Variants in SH3RF1 observed in about 807,000 individuals in gnomAD.
The protein encoded by SH3RF1 is SH3 domain containing ring finger 1.
SH3RF1 carries 32 observed loss-of-function variants against 74.0 expected under a neutral mutation model. The observed-to-expected ratio is 0.43, with a 90% CI of 0.33 to 0.58. The LOEUF (loss-of-function observed/expected upper bound fraction) is 0.58. SH3RF1 is among the 20% of genes least tolerant of loss of function. SH3RF1 has a pLI of 0.05. For missense variants in SH3RF1, 954 were observed against 1,130.9 expected (o/e 0.84, Z 2.24); for synonymous variants, 396 against 439.6 (o/e 0.90, Z 1.24).
chr4:169,135,888 C>G (rs1185363938), intron 5 of SH3RF1, among the ~76,000 whole-genome samples: 1 of 152,122 alleles, frequency 6.6e-6, no homozygotes, highest in Non-Finnish European at 1.5e-5. Flanking sequence ...TTCTGGGAAG[C>G]CTACATATTA....
At chr4:169,203,562 A>AG (rs1561052201) in intron 2 of SH3RF1, among the ~76,000 whole-genome samples, 1 of 152,122 alleles carries the variant, frequency 6.6e-6, no homozygotes, top group Non-Finnish European at 1.5e-5. Flanking sequence ...AGAAAAAAAA[A>AG]AAAAAATCCT....
intron 2 of SH3RF1, among the ~76,000 whole-genome samples, chr4:169,179,025 G>C (rs143723147): frequency 2.0e-5 from 3 of 152,270 alleles, no homozygotes; most frequent in Non-Finnish European, 2.9e-5. Flanking sequence ...CCCCAAAGTA[G>C]ACCACACCCC....
intron 2 of SH3RF1, among the ~76,000 whole-genome samples, chr4:169,215,917 C>A (rs1730455147): frequency 6.6e-6 from 1 of 152,022 alleles, no homozygotes; most frequent in Admixed American, 6.6e-5. Context: ...AATCCTGCTG[C>A]CTCAACCCCC....
At position 169,095,532 on chromosome 4, in the gene SH3RF1, G is replaced by A. The variant is rs2126931588; in HGVS notation, c.*987C>T. 2 of 152,674 alleles carry A rather than the reference G, an allele frequency of 1.3e-5. No homozygotes were observed. The highest frequency in any genetic ancestry group is 6.8e-3 in the Middle Eastern group (2 of 294). The allele number at this position is 152,674 out of a possible 1,614,324, so 9.5% of individuals were successfully genotyped here. A position where few individuals can be genotyped will look rare whatever the true frequency, so the allele number is the denominator to read the frequency against. On this transcript the variant is annotated 3_prime_UTR_variant, in exon 12 of 12. Coordinates refer to ENST00000284637, the MANE Select transcript of SH3RF1 (RefSeq NM_020870.4). ...TGAACTTTTCACAGTGTTTCTTATA[G>A]CCTTTGACTTAACACGAGTGCATCA...
Position 169,095,665 on chromosome 4 carries a change from A to AC in SH3RF1, c.*853dup, listed in dbSNP as rs1326488316. The stretch of plus-strand genomic sequence containing the variant: ...TAGCCATTCTCAGACAGTGACTACA[A>AC]CTTCAATTTCCCCTACTTTCCAACC... On this transcript the variant is annotated 3_prime_UTR_variant, in exon 12 of 12. Transcript: ENST00000284637. 1 of 152,656 alleles carries AC rather than the reference A, an allele frequency of 6.6e-6. No homozygotes were observed. The highest frequency in any genetic ancestry group is 1.5e-5 in the Non-Finnish European group (1 of 68,048). The allele number at this position is 152,656 out of a possible 1,614,324, so 9.5% of individuals were successfully genotyped here.
intron 2 of SH3RF1, among the ~76,000 whole-genome samples, chr4:169,176,379 C>T (rs1308164150): frequency 6.6e-6 from 1 of 152,180 alleles, no homozygotes. Flanking sequence ...GCCAGTGACA[C>T]AAACCTGTAA....
At chr4:169,129,959 C>T (rs1399144213) in intron 6 of SH3RF1, 87 bp downstream of exon 6, 12 of 958,130 alleles carry the variant, frequency 1.3e-5, no homozygotes, top group South Asian at 4.3e-5. Context: ...TATGAACATA[C>T]GCTGCAGGTG....
chr4:169,100,632 G>A (rs974276286), intron 11 of SH3RF1, among the ~76,000 whole-genome samples: 3 of 152,158 alleles, frequency 2.0e-5, no homozygotes, highest in Non-Finnish European at 4.4e-5. Context: ...CCCAGTCTAT[G>A]CAGAGCTCAC....
At chr4:169,110,183 G>C (rs2126939790) in intron 10 of SH3RF1, among the ~76,000 whole-genome samples, 2 of 151,846 alleles carry the variant, frequency 1.3e-5, no homozygotes, top group South Asian at 4.2e-4. Flanking sequence ...AGAGCAGCCT[G>C]GGCAACATAG....
At chr4:169,118,825 C>T (rs1400920407) in intron 8 of SH3RF1, among the ~76,000 whole-genome samples, 1 of 152,062 alleles carries the variant, frequency 6.6e-6, no homozygotes, top group African/African-American at 2.4e-5. Context: ...GAAAGCAGGG[C>T]CAGTGTGAAA....
intron 2 of SH3RF1, among the ~76,000 whole-genome samples, chr4:169,186,550 T>C (rs998913060): frequency 1.1e-4 from 16 of 151,860 alleles, no homozygotes; most frequent in African/African-American, 3.1e-4. Context: ...AGTTGACTTA[T>C]GTTGTTTTAG....
chr4:169,174,208 C>T (rs1210726214), intron 2 of SH3RF1, among the ~76,000 whole-genome samples: 1 of 152,120 alleles, frequency 6.6e-6, no homozygotes, highest in Non-Finnish European at 1.5e-5. Context: ...ACTACAGGCA[C>T]GTACCAGCAT....
chr4:169,209,970 GT>G (rs1267377259), intron 2 of SH3RF1, among the ~76,000 whole-genome samples: 1 of 151,666 alleles, frequency 6.6e-6, no homozygotes. Flanking sequence ...TTGTATTTGT[GT>G]TTTTTTGTAG....
intron 2 of SH3RF1, among the ~76,000 whole-genome samples, chr4:169,249,989 G>A (rs1202263948): frequency 6.6e-6 from 1 of 152,112 alleles, no homozygotes; most frequent in Non-Finnish European, 1.5e-5. Context: ...AGTCTGATTT[G>A]AATCCACACT....
chr4:169,255,208 A>T (rs755674922), intron 2 of SH3RF1, among the ~76,000 whole-genome samples: 56 of 152,346 alleles, frequency 3.7e-4, no homozygotes, highest in Middle Eastern at 3.4e-3. Context: ...CCAAAACAGT[A>T]CATGAATATT....
At chr4:169,202,754 C>T (rs1014224459) in intron 2 of SH3RF1, among the ~76,000 whole-genome samples, 1 of 152,168 alleles carries the variant, frequency 6.6e-6, no homozygotes, top group African/African-American at 2.4e-5. Context: ...AACCTAACCC[C>T]TTTGAATCCC....
chr4:169,211,878 G>C (rs573071091), intron 2 of SH3RF1, among the ~76,000 whole-genome samples: 1 of 152,128 alleles, frequency 6.6e-6, no homozygotes, highest in East Asian at 1.9e-4. Flanking sequence ...CTTGGAGAGG[G>C]GGCTTTTCAA....
chr4:169,183,407 A>C (rs1223687994), intron 2 of SH3RF1, among the ~76,000 whole-genome samples: 1 of 152,070 alleles, frequency 6.6e-6, no homozygotes, highest in Non-Finnish European at 1.5e-5. Context: ...CAGCCTCCCG[A>C]GTAGCTGGGA....
intron 2 of SH3RF1, among the ~76,000 whole-genome samples, chr4:169,237,769 GAA>G (rs1239469438): frequency 6.6e-6 from 1 of 152,096 alleles, no homozygotes; most frequent in Non-Finnish European, 1.5e-5. Context: ...TAATAAGACT[GAA>G]AAGAGTATAC....
Sources: allele counts gnomAD v4.1 joint callset (sites outside exome capture counted in the v4.1 genomes callset), GRCh38; gene constraint gnomAD v4.1.1; transcripts MANE v1.5; gene names NCBI Gene and HGNC (gene_info 2026-07-23, HGNC 2026-07-21).